DDX31: variants seen among roughly 807,000 people sequenced by gnomAD.
DDX31 encodes the protein DEAD-box helicase 31, also known as ATP-dependent DNA helicase DDX31.
A neutral mutation model predicts 91.3 loss-of-function variants in DDX31; 70 were observed. The ratio of observed to expected loss-of-function variants is 0.77; its 90% CI spans 0.63 to 0.94. The LOEUF is 0.94. Ranked by LOEUF, DDX31 falls within the 40% of genes least tolerant of loss-of-function variation. The pLI, the probability that DDX31 is intolerant of heterozygous loss-of-function variation, is 0.00. For synonymous variants in DDX31, 362 were observed against 350.6 expected (o/e 1.03, Z -0.36); for missense variants, 902 against 925.0 (o/e 0.98, Z 0.32).
At chr9:132,649,831 G>T (rs897953728) in intron 9 of DDX31, among the ~76,000 whole-genome samples, 9 of 152,216 alleles carry the variant, frequency 5.9e-5, no homozygotes, top group African/African-American at 1.9e-4. Context: ...ATATTCGGTT[G>T]TAAAAAGCAA....
At chr9:132,602,150 G>A (rs993603807) in intron 19 of DDX31, among the ~76,000 whole-genome samples, 1 of 152,248 alleles carries the variant, frequency 6.6e-6, no homozygotes, top group Non-Finnish European at 1.5e-5. Context: ...GAAAATGAAA[G>A]TAGTGAATTC....
At chr9:132,596,556 A>C (rs1830444539) in intron 19 of DDX31, among the ~76,000 whole-genome samples, 1 of 152,186 alleles carries the variant, frequency 6.6e-6, no homozygotes, top group Admixed American at 6.6e-5. Flanking sequence ...GAAATGATTC[A>C]CATACACAAT....
At chr9:132,606,475 C>T (rs905714297) in intron 19 of DDX31, among the ~76,000 whole-genome samples, 1 of 152,184 alleles carries the variant, frequency 6.6e-6, no homozygotes, top group Non-Finnish European at 1.5e-5. Flanking sequence ...TTCGTACTCT[C>T]GGTTCCGCGG....
chr9:132,622,459 C>T (rs1832092540), intron 17 of DDX31, among the ~76,000 whole-genome samples: 1 of 152,200 alleles, frequency 6.6e-6, no homozygotes, highest in Non-Finnish European at 1.5e-5. Flanking sequence ...GAGGGAGATG[C>T]AGCTGCTCCG....
chr9:132,611,406 G>A (rs1434450545), intron 19 of DDX31, among the ~76,000 whole-genome samples: 1 of 152,282 alleles, frequency 6.6e-6, no homozygotes, highest in East Asian at 1.9e-4. Context: ...CTAAAAGAAC[G>A]TCTTTGAGGA....
At chr9:132,669,500 T>G (rs1835573635) in intron 1 of DDX31, 1 of 1,168,072 alleles carries the variant, frequency 8.6e-7, no homozygotes, top group Admixed American at 2.4e-5. Context: ...TAGTCCGCAC[T>G]CAGTCGAGGA....
intron 19 of DDX31, among the ~76,000 whole-genome samples, chr9:132,604,986 A>T (rs2119231162): frequency 6.6e-6 from 1 of 152,274 alleles, no homozygotes; most frequent in South Asian, 2.1e-4. Flanking sequence ...CTTCCTGAGG[A>T]TGCCTTTATG....
intron 12 of DDX31, 59 bp from the exon 13 acceptor site, chr9:132,646,130 C>T (rs1446262627): frequency 1.1e-5 from 17 of 1,543,676 alleles, no homozygotes; most frequent in East Asian, 2.3e-5. Flanking sequence ...GACGCCAAAA[C>T]GAATATTTCT....
intron 1 of DDX31, among the ~76,000 whole-genome samples, chr9:132,667,535 A>G (rs1835394503): frequency 6.6e-6 from 1 of 152,124 alleles, no homozygotes; most frequent in African/African-American, 2.4e-5. Flanking sequence ...CTCAGGAGGC[A>G]GAGCTTGCAG....
chr9:132,647,064 A>G lies in DDX31; in HGVS notation c.968-6T>C, dbSNP rs763176117. On this transcript the variant is annotated splice_polypyrimidine_tract_variant and splice_region_variant and intron_variant, in intron 11 of 19. Coordinates refer to ENST00000372159, the MANE Select transcript of DDX31 (RefSeq NM_022779.9). ...ATCAGCTAGCCGCGTTACACCTTGG[A>G]TAAAAGTAAGAAGGGCAAAGCAGAC... 5 of 1,597,754 alleles carry G rather than the reference A, an allele frequency of 3.1e-6. No individual in the cohort carries two copies. In the African/African-American group the frequency reaches 7.0e-5, roughly 22 times the overall value.
At chr9:132,632,018 C>T (rs763120727) in intron 15 of DDX31, 23 bp downstream of exon 15, 6 of 1,608,472 alleles carry the variant, frequency 3.7e-6, no homozygotes, top group Non-Finnish European at 1.7e-6. Context: ...CTAAAGCTTA[C>T]ACCTTAACAA....
intron 18 of DDX31, among the ~76,000 whole-genome samples, chr9:132,615,902 A>C (rs1273106166): frequency 1.3e-5 from 2 of 152,250 alleles, no homozygotes; most frequent in Non-Finnish European, 2.9e-5. Context: ...CCCAGTTTCT[A>C]ACTAGTTTTC....
At chr9:132,648,732 T>C (rs1286336384) in intron 9 of DDX31, among the ~76,000 whole-genome samples, 181 bp from the exon 10 acceptor site, 1 of 152,240 alleles carries the variant, frequency 6.6e-6, no homozygotes, top group African/African-American at 2.4e-5. Context: ...TTCCCTGTAC[T>C]GTGAAATGCA....
chr9:132,631,965 C>A, intron 15 of DDX31, 76 bp downstream of exon 15: 1 of 1,306,674 alleles, frequency 7.7e-7, no homozygotes. Flanking sequence ...AATAATTATT[C>A]TACTTAAAGC....
chr9:132,658,218 A>C (rs1469607585), intron 6 of DDX31: 12 of 695,416 alleles, frequency 1.7e-5, no homozygotes, highest in Non-Finnish European at 3.1e-5. Context: ...AAGTCTTCAC[A>C]CAAGAGTAAG....
chr9:132,601,885 C>T (rs1830741943), intron 19 of DDX31, among the ~76,000 whole-genome samples: 1 of 152,148 alleles, frequency 6.6e-6, no homozygotes, highest in South Asian at 2.1e-4. Context: ...TCACTTACAA[C>T]GATTAATGAG....
chr9:132,612,340 T>C (rs1378948941), intron 18 of DDX31, 85 bp from the exon 19 acceptor site: 2 of 1,500,590 alleles, frequency 1.3e-6, no homozygotes, highest in Non-Finnish European at 1.8e-6. Flanking sequence ...TTATCTTCTG[T>C]ACTTTATCTT....
intron 1 of DDX31, among the ~76,000 whole-genome samples, chr9:132,668,439 T>C (rs1253343380): frequency 1.3e-5 from 2 of 152,164 alleles, no homozygotes; most frequent in African/African-American, 4.8e-5. Flanking sequence ...ACCTTCCTCA[T>C]GGCGACCAAA....
At chr9:132,605,233 T>G (rs534188370) in intron 19 of DDX31, among the ~76,000 whole-genome samples, 1 of 152,324 alleles carries the variant, frequency 6.6e-6, no homozygotes. Flanking sequence ...ACTCATCTAT[T>G]ACAAAAAATT....
Sources: allele counts gnomAD v4.1 joint callset (sites outside exome capture counted in the v4.1 genomes callset), GRCh38; gene constraint gnomAD v4.1.1; transcripts MANE v1.5; gene names NCBI Gene and HGNC (gene_info 2026-07-23, HGNC 2026-07-21).